Variants in SLC36A1 observed in about 807,000 individuals in gnomAD.
The protein encoded by SLC36A1 is solute carrier family 36 member 1, also known as proton-coupled amino acid transporter 1.
A neutral mutation model predicts 47.5 loss-of-function variants in SLC36A1; 30 were observed. The observed-to-expected ratio is 0.63, with a 90% CI of 0.47 to 0.86. The LOEUF (loss-of-function observed/expected upper bound fraction) is 0.86, where lower values mean the gene tolerates loss of function less well. Ranked by LOEUF, SLC36A1 falls within the 40% of genes least tolerant of loss-of-function variation. The probability of loss-of-function intolerance (pLI) is 0.00; values close to 1 mark genes in which losing one functional copy is unlikely to be tolerated. For missense variants in SLC36A1, 517 were observed against 606.0 expected, an observed-to-expected ratio of 0.85 and a Z score of 1.54; for synonymous variants, 255 against 249.7, an observed-to-expected ratio of 1.02 and a Z score of -0.20.
the SLC36A1 span, among the ~76,000 whole-genome samples, chr5:151,391,926 C>T: frequency 2.0e-4 from 31 of 152,194 alleles, no homozygotes; most frequent in East Asian, 5.4e-3. Context: ...TAAAATGAGT[C>T]AGGGAGGATT....
At chr5:151,433,258 ATATATATATTTTTTTTTTTTTTTTTT>A (rs1207491033), upstream of SLC36A1, among the ~76,000 whole-genome samples, 1 of 15,398 alleles carries the variant, frequency 6.5e-5, no homozygotes, top group African/African-American at 2.7e-4. Context: ...ATATATATAT[ATATATATATTTTTTTTTTTTTTTTTT>A]TTTTTTTTTT....
At chr5:151,543,183 G>T in the SLC36A1 span, 2 of 1,614,166 alleles carry the variant, frequency 1.2e-6, no homozygotes, top group South Asian at 1.1e-5. Context: ...ATCCCACCAG[G>T]CTGTCTTTCA....
At chr5:151,505,467 C>T in the SLC36A1 span, 1 of 1,450,622 alleles carries the variant, frequency 6.9e-7, no homozygotes, top group African/African-American at 1.4e-5. Context: ...TTCCCTCCCA[C>T]TCTCCCAGCC....
Position 151,441,134 on chromosome 5 carries a change from G to T in SLC36A1, c.-6+3955G>T, listed in dbSNP as rs74342714. ...CACTTTGAGAAGCACTGGCACAATG[G>T]TTAAAACAGAATGCATGCTAGTGAT... On this transcript the variant is annotated intron_variant, in intron 1 of 8. Coordinates refer to the SLC36A1 transcript ENST00000429484. Among the ~76,000 whole-genome samples the T allele has an allele frequency of 5.5e-3, 842 of 152,246 alleles. 8 individuals carry two copies. The highest frequency in any genetic ancestry group is 0.019 in the African/African-American group (793 of 41,540).
chr5:151,454,409 G>A (rs1209641638), intron 1 of SLC36A1, among the ~76,000 whole-genome samples: 1 of 152,140 alleles, frequency 6.6e-6, no homozygotes, highest in African/African-American at 2.4e-5. Flanking sequence ...AGAGCAGGAG[G>A]AGGAGGCCTT....
chr5:151,501,888 A>T, the SLC36A1 span, among the ~76,000 whole-genome samples: 7 of 148,392 alleles, frequency 4.7e-5, no homozygotes, highest in Admixed American at 6.6e-5. Flanking sequence ...TAAATGTAAA[A>T]TGCAAAACTA....
chr5:151,538,038 A>G, the SLC36A1 span: 1 of 1,141,134 alleles, frequency 8.8e-7, no homozygotes, highest in Non-Finnish European at 1.3e-6. Flanking sequence ...AGGCAGAAGC[A>G]GAAAGAGAGA....
chr5:151,531,658 C>G, the SLC36A1 span: 1 of 1,613,790 alleles, frequency 6.2e-7, no homozygotes, highest in South Asian at 1.1e-5. This position sits in a 1 kb window ranked among gnomAD's most constrained non-coding sequence, Gnocchi z 5.7. Context: ...CTTCTCTGCG[C>G]CCGGGCGAGT....
At chr5:151,529,954 A>C in the SLC36A1 span, among the ~76,000 whole-genome samples, 1 of 152,200 alleles carries the variant, frequency 6.6e-6, no homozygotes, top group African/African-American at 2.4e-5. Context: ...AATGGTGGAC[A>C]CTCTGCTTTT....
In SLC36A1 at chr5:151,479,499, A is replaced by T; in HGVS notation, c.1159+10A>T. On this transcript the variant is annotated intron_variant, in intron 10 of 10. Coordinates refer to ENST00000243389, the MANE Select transcript of SLC36A1 (RefSeq NM_078483.4). ...CTGGTCTGCCTGACATGTGAGTAGA[A>T]GATGATAATTGCCTTGCTTGTTTTT... The T allele has an allele frequency of 2.5e-6, 4 of 1,608,176 alleles. No individual in the cohort carries two copies. Among genetic ancestry groups the T allele is most frequent in the Non-Finnish European group, 3.4e-6 (4 of 1,175,444 alleles).
the SLC36A1 span, among the ~76,000 whole-genome samples, chr5:151,352,954 C>A: frequency 1.3e-5 from 2 of 152,222 alleles, no homozygotes; most frequent in African/African-American, 4.8e-5. Flanking sequence ...TGCAGCATTC[C>A]TTACTTCAGG....
At chr5:151,545,778 G>C in the SLC36A1 span, 1 of 1,614,164 alleles carries the variant, frequency 6.2e-7, no homozygotes, top group South Asian at 1.1e-5. Context: ...TCACAAAGGG[G>C]TTGTTGTTTT....
At chr5:151,366,983 T>C in the SLC36A1 span, among the ~76,000 whole-genome samples, 46 of 152,184 alleles carry the variant, frequency 3.0e-4, no homozygotes, top group East Asian at 1.7e-3. Context: ...GATCACATGC[T>C]TCAAAGTGCA....
the SLC36A1 span, among the ~76,000 whole-genome samples, chr5:151,399,084 A>ATAT: frequency 1.0e-4 from 6 of 60,036 alleles, no homozygotes; most frequent in Admixed American, 2.3e-4. Context: ...ATATATATAT[A>ATAT]TTTTTTTTTT....
chr5:151,479,601 A>G (rs1758547465), intron 10 of SLC36A1, 112 bp downstream of exon 10: 3 of 1,279,878 alleles, frequency 2.3e-6, no homozygotes, highest in Admixed American at 2.2e-5. Flanking sequence ...TATGTTTGTG[A>G]CAGAGAACCT....
At chr5:151,448,906 CTTGTTTTTTTGTTTGT>C (rs1275558117) in intron 1 of SLC36A1, among the ~76,000 whole-genome samples, 1 of 151,930 alleles carries the variant, frequency 6.6e-6, no homozygotes, top group Non-Finnish European at 1.5e-5. Context: ...TCTTTCTAGG[CTTGTTTTTTTGTTTGT>C]TTGTTTTTAA....
chr5:151,549,203 CT>C, the SLC36A1 span: 1 of 1,207,018 alleles, frequency 8.3e-7, no homozygotes, highest in Non-Finnish European at 1.2e-6. Flanking sequence ...GAGCTTGGTA[CT>C]TGATTAATTT....
the SLC36A1 span, among the ~76,000 whole-genome samples, chr5:151,530,266 G>T: frequency 7.0e-6 from 1 of 142,158 alleles, no homozygotes; most frequent in East Asian, 2.0e-4. Flanking sequence ...AAAAAAAAAA[G>T]CCAGTTAGCT....
At chr5:151,414,160 G>A in the SLC36A1 span, among the ~76,000 whole-genome samples, 2 of 152,146 alleles carry the variant, frequency 1.3e-5, no homozygotes, top group African/African-American at 2.4e-5. Context: ...TAAACAGTAG[G>A]ATTAAATTAA....
Sources: allele counts gnomAD v4.1 joint callset (sites outside exome capture counted in the v4.1 genomes callset), GRCh38; gene constraint gnomAD v4.1.1; non-coding constraint Gnocchi (gnomAD v3.1); transcripts MANE v1.5; gene names NCBI Gene and HGNC (gene_info 2026-07-23, HGNC 2026-07-21).